The following SREK1 variants were observed in gnomAD, a reference collection of about 807,000 sequenced individuals.
The protein encoded by SREK1 is splicing regulatory glutamine/lysine-rich protein 1.
In SREK1, 13 loss-of-function variants were observed where a neutral mutation model predicts 66.5. That is an observed-to-expected ratio of 0.20 (90% CI 0.13 to 0.31). The LOEUF is 0.31. Ranked by LOEUF, SREK1 falls within the 10% of genes least tolerant of loss-of-function variation. The pLI is 1.00. For synonymous variants in SREK1, 265 were observed against 263.5 expected (o/e 1.01, Z -0.05); for missense variants, 607 against 769.6 (o/e 0.79, Z 2.50).
chr5:66,163,955 T>C, intron 6 of SREK1, 33 bp downstream of exon 6: 1 of 1,600,948 alleles, frequency 6.2e-7, no homozygotes, highest in South Asian at 1.1e-5. Flanking sequence ...TAGGTCATAG[T>C]TTAAAGATCA....
chr5:66,179,459 T>C lies in SREK1; in HGVS notation c.*591T>C, dbSNP rs1370057885. 6.6e-6 allele frequency: 1 copy of C among 152,530 alleles called. No homozygotes were observed. Among genetic ancestry groups the C allele is most frequent in the Admixed American group, 6.6e-5 (1 of 15,252 alleles). 9.4% of individuals were successfully genotyped at this position (152,530 alleles called of 1,614,324 possible). A position where few individuals can be genotyped will look rare whatever the true frequency, so the allele number is the denominator to read the frequency against. On this transcript the variant is annotated 3_prime_UTR_variant, in exon 12 of 12. Coordinates refer to ENST00000334121, the MANE Select transcript of SREK1 (RefSeq NM_001077199.3). ...AGGACAATTTTTCTTTAAAATAGTTTTGCAGATTAAAATTGCTTAAATAAG... is the reference window on the plus strand; with the variant it reads ...AGGACAATTTTTCTTTAAAATAGTTCTGCAGATTAAAATTGCTTAAATAAG...
intron 1 of SREK1, among the ~76,000 whole-genome samples, chr5:66,152,547 T>G (rs1023682014): frequency 2.0e-5 from 3 of 152,222 alleles, no homozygotes; most frequent in Middle Eastern, 3.2e-3. Context: ...TTCTTTCCTG[T>G]TTTGTAAACA....
intron 7 of SREK1, chr5:66,168,718 A>C (rs1464431058): frequency 6.6e-6 from 1 of 152,188 alleles, no homozygotes; most frequent in African/African-American, 2.4e-5. Flanking sequence ...AAATTTATTA[A>C]AACATGACTA....
At position 66,180,116 on chromosome 5, in the gene SREK1, G is replaced by C. The variant is rs1286552373; in HGVS notation, c.*1248G>C. 6.6e-6 allele frequency: 1 copy of C among 152,480 alleles called. No individual in the cohort carries two copies. The highest frequency in any genetic ancestry group is 1.5e-5 in the Non-Finnish European group (1 of 67,964). 9.4% of individuals were successfully genotyped at this position (152,480 alleles called of 1,614,324 possible). A position where few individuals can be genotyped will look rare whatever the true frequency, so the allele number is the denominator to read the frequency against. On this transcript the variant is annotated 3_prime_UTR_variant, in exon 12 of 12. Coordinates refer to ENST00000334121, the MANE Select transcript of SREK1 (RefSeq NM_001077199.3). ...TGCAGAAATTGTACTTAAGGACTTAGGAGTATATGGGAGGTTATTGGTTTT... is the reference window on the plus strand; with the variant it reads ...TGCAGAAATTGTACTTAAGGACTTACGAGTATATGGGAGGTTATTGGTTTT...
intron 1 of SREK1, among the ~76,000 whole-genome samples, chr5:66,145,392 A>G (rs1054563244): frequency 1.9e-4 from 29 of 152,286 alleles, no homozygotes; most frequent in Middle Eastern, 3.4e-3. Context: ...TAGATCTTAC[A>G]GTATTAAGAT....
intron 1 of SREK1, among the ~76,000 whole-genome samples, chr5:66,149,606 T>C (rs1743586084): frequency 6.6e-6 from 1 of 152,238 alleles, no homozygotes; most frequent in Non-Finnish European, 1.5e-5. Flanking sequence ...AATGTGGTTT[T>C]AGTTTTCAGT....
At chr5:66,176,999 A>G (rs982149021) in intron 10 of SREK1, among the ~76,000 whole-genome samples, 9 of 152,088 alleles carry the variant, frequency 5.9e-5, no homozygotes, top group African/African-American at 2.2e-4. Flanking sequence ...TTTGAAACAA[A>G]TACTTTACCC....
In SREK1 at chr5:66,178,968, A is replaced by G; in HGVS notation, c.*100A>G. 1 of 1,306,804 alleles carries G rather than the reference A, an allele frequency of 7.7e-7. No homozygotes were observed. The highest frequency in any genetic ancestry group is 2.4e-5 in the South Asian group (1 of 42,182). 81.0% of individuals were successfully genotyped at this position (1,306,804 alleles called of 1,614,324 possible). A position where few individuals can be genotyped will look rare whatever the true frequency, so the allele number is the denominator to read the frequency against. ...CAGGAAAGAAATCTAGTTGAGCATG[A>G]AGATAGGATCTAACAGCTTTTCCAG... is the stretch of plus-strand genomic sequence containing the variant. On this transcript the variant is annotated 3_prime_UTR_variant, in exon 12 of 12. Transcript: ENST00000334121.
intron 1 of SREK1, among the ~76,000 whole-genome samples, chr5:66,148,250 T>C (rs988580674): frequency 4.6e-5 from 7 of 152,076 alleles, no homozygotes; most frequent in African/African-American, 1.7e-4. Flanking sequence ...TACATGATAC[T>C]GTATGCTTCG....
intron 7 of SREK1, chr5:66,165,713 A>G (rs1321816345): frequency 1.3e-5 from 2 of 152,238 alleles, no homozygotes; most frequent in East Asian, 1.9e-4. Context: ...TCCTAATTGC[A>G]TGTTATGTGT....
At chr5:66,164,558 A>T (rs1745020779) in intron 6 of SREK1, 1 of 1,479,092 alleles carries the variant, frequency 6.8e-7, no homozygotes, top group East Asian at 2.8e-5. Flanking sequence ...CAGCAACAAA[A>T]TATTACGAAC....
At chr5:66,144,831 C>T in intron 1 of SREK1, 2 of 1,105,526 alleles carry the variant, frequency 1.8e-6, no homozygotes, top group Non-Finnish European at 2.2e-6. Flanking sequence ...GTGCCCCCAC[C>T]CTCTTATTTC....
At chr5:66,166,961 C>G (rs1745229338) in intron 7 of SREK1, 1 of 152,140 alleles carries the variant, frequency 6.6e-6, no homozygotes, top group South Asian at 2.1e-4. Context: ...CACTATCCCC[C>G]AGAAATCAGG....
At position 66,163,828 on chromosome 5, in the gene SREK1, T is replaced by A. The variant is rs374128455; in HGVS notation, c.792T>A (p.Pro264=). The change falls in exon 6 of 12, where the codon CCT becomes CCA. Residue 264 remains proline (P), a synonymous_variant. Transcript: ENST00000334121. ...NHSNNAIVKP[P]EMTPQAAAKE... is the part of the protein sequence containing the mutation. Reference sequence around the variant, plus strand: ...CCAACAATGCAATAGTAAAACCCCCTGAGATGACACCTCAGGCTGCAGCTA... The same window carrying A: ...CCAACAATGCAATAGTAAAACCCCCAGAGATGACACCTCAGGCTGCAGCTA... The A allele has an allele frequency of 1.4e-5, 23 of 1,613,554 alleles. No individual in the cohort carries two copies. The highest frequency in any genetic ancestry group is 1.9e-5 in the Non-Finnish European group (22 of 1,179,662).
intron 3 of SREK1, among the ~76,000 whole-genome samples, chr5:66,161,310 C>A (rs59867356): frequency 0.024 from 3,689 of 152,180 alleles, 159 homozygotes; most frequent in African/African-American, 0.083. Flanking sequence ...TTGAAATCCC[C>A]ACATCAACAG....
At chr5:66,174,710 T>C (rs1476666536) in intron 9 of SREK1, 1 of 326,056 alleles carries the variant, frequency 3.1e-6, no homozygotes, top group Non-Finnish European at 5.5e-6. Context: ...GGTCTTCTAC[T>C]CTTCCTAATA....
intron 10 of SREK1, among the ~76,000 whole-genome samples, chr5:66,176,666 T>C (rs1159562741): frequency 6.6e-6 from 1 of 152,122 alleles, no homozygotes; most frequent in Non-Finnish European, 1.5e-5. Context: ...TCATTAGTGT[T>C]TTCAGAAATA....
Position 66,181,904 on chromosome 5 carries a change from G to GC in SREK1, c.*3036_*3037insC. 7.3e-6 allele frequency: 1 copy of GC among 137,144 alleles called. No homozygotes were observed. The highest frequency in any genetic ancestry group is 2.8e-4 in the South Asian group (1 of 3,604). The allele number at this position is 137,144 out of a possible 1,614,324, so 8.5% of individuals were successfully genotyped here. A position where few individuals can be genotyped will look rare whatever the true frequency, so the allele number is the denominator to read the frequency against. ...ATAATGAAAAGGTTTTTTTGTCGGGGGGGGGGGGGTCAAGAGAATTTATTT... is the reference window on the plus strand; with the variant it reads ...ATAATGAAAAGGTTTTTTTGTCGGGGCGGGGGGGGGTCAAGAGAATTTATTT... On this transcript the variant is annotated 3_prime_UTR_variant, in exon 12 of 12. Transcript: ENST00000334121.
intron 1 of SREK1, 194 bp downstream of exon 1, chr5:66,144,731 A>G: frequency 2.4e-6 from 3 of 1,276,480 alleles, no homozygotes; most frequent in Non-Finnish European, 3.1e-6. Flanking sequence ...TGGGGGGTTA[A>G]CTACTGCACG....
Sources: allele counts gnomAD v4.1 joint callset (sites outside exome capture counted in the v4.1 genomes callset), GRCh38; gene constraint gnomAD v4.1.1; transcripts MANE v1.5; gene names NCBI Gene and HGNC (gene_info 2026-07-23, HGNC 2026-07-21).